Variants in LPAR1 observed in about 807,000 individuals in gnomAD.
LPAR1 encodes the protein LPA receptor 1.
LPAR1 carries 5 observed loss-of-function variants against 23.8 expected under a neutral mutation model. The observed-to-expected ratio is 0.21, with a 90% CI of 0.11 to 0.44. LPAR1 has a LOEUF of 0.44. Among genes scored for constraint, LPAR1 ranks in the 20% least tolerant of loss-of-function variants. The pLI, the probability that LPAR1 is intolerant of heterozygous loss-of-function variation, is 0.99. For synonymous variants in LPAR1, 160 were observed against 164.7 expected (o/e 0.97, Z 0.22); for missense variants, 311 against 482.8 (o/e 0.64, Z 3.33).
intron 2 of LPAR1, among the ~76,000 whole-genome samples, chr9:111,018,800 A>G (rs777677641): frequency 6.6e-6 from 1 of 152,214 alleles, no homozygotes; most frequent in Non-Finnish European, 1.5e-5. Flanking sequence ...TAATCAGTCT[A>G]CGGAAATTAC....
chr9:110,983,210 C>T (rs2096710117), intron 2 of LPAR1, among the ~76,000 whole-genome samples: 1 of 151,890 alleles, frequency 6.6e-6, no homozygotes, highest in Admixed American at 6.6e-5. Flanking sequence ...ATTTGTATAC[C>T]CATGTTTGTA....
chr9:110,953,350 C>T, intron 4 of LPAR1, among the ~76,000 whole-genome samples: 1 of 152,180 alleles, frequency 6.6e-6, no homozygotes, highest in East Asian at 1.9e-4. Flanking sequence ...ACCAACCACA[C>T]CCAAAGCCAC....
At chr9:111,025,955 G>A (rs1255594073) in intron 2 of LPAR1, among the ~76,000 whole-genome samples, 1 of 152,114 alleles carries the variant, frequency 6.6e-6, no homozygotes, top group Non-Finnish European at 1.5e-5. Flanking sequence ...TTGAAGTCAG[G>A]TAGTGTGATG....
At chr9:110,920,003 C>T (rs1337975636) in intron 5 of LPAR1, among the ~76,000 whole-genome samples, 1 of 152,188 alleles carries the variant, frequency 6.6e-6, no homozygotes, top group African/African-American at 2.4e-5. Context: ...AATCAGCAAA[C>T]TTTGTATAGG....
At chr9:110,949,526 A>G (rs1443579171) in intron 4 of LPAR1, among the ~76,000 whole-genome samples, 1 of 151,948 alleles carries the variant, frequency 6.6e-6, no homozygotes, top group East Asian at 1.9e-4. Flanking sequence ...CAGTGCCTCC[A>G]CTCCCATCTT....
chr9:110,959,170 C>CAAAGAA (rs2095863202), intron 4 of LPAR1, among the ~76,000 whole-genome samples: 1 of 81,178 alleles, frequency 1.2e-5, no homozygotes, highest in Non-Finnish European at 2.3e-5. Flanking sequence ...GATGTCTCTA[C>CAAAGAA]AAAAAAAAAA....
At chr9:111,027,999 T>G (rs78200992) in intron 2 of LPAR1, among the ~76,000 whole-genome samples, 3,007 of 151,814 alleles carry the variant, frequency 0.02, 99 homozygotes, top group African/African-American at 0.069. Flanking sequence ...TAATATGTAG[T>G]CATTAGAAAT....
At chr9:110,970,969 C>A (rs369780031) in intron 4 of LPAR1, among the ~76,000 whole-genome samples, 1 of 152,088 alleles carries the variant, frequency 6.6e-6, no homozygotes, top group Non-Finnish European at 1.5e-5. Context: ...AACCCCATCT[C>A]TACTAAAATA....
rs150471898 is a variant in LPAR1, at chr9:110,931,479, A to C, written c.793+9942T>G. On this transcript the variant is annotated intron_variant, in intron 5 of 5. Coordinates refer to ENST00000683809, the MANE Select transcript of LPAR1 (RefSeq NM_001351411.2). ...AATAAACTATTATTAACAAGTTTGC[A>C]AAAAAAATTCTGATGGTAGTTTCTT... 1.4e-3 allele frequency among the ~76,000 whole-genome samples: 215 copies of C among 152,156 alleles called. 2 individuals are homozygous for C. The highest frequency in any genetic ancestry group is 4.9e-3 in the African/African-American group (205 of 41,506).
chr9:110,893,436 G>A (rs1421060863), intron 5 of LPAR1, among the ~76,000 whole-genome samples: 7 of 152,150 alleles, frequency 4.6e-5, no homozygotes, highest in Non-Finnish European at 7.4e-5. Flanking sequence ...GGGAAGATAC[G>A]CACATTACAT....
chr9:110,976,492 G>A (rs2096558381), intron 2 of LPAR1, among the ~76,000 whole-genome samples: 1 of 152,120 alleles, frequency 6.6e-6, no homozygotes, highest in Non-Finnish European at 1.5e-5. Context: ...GCAACAGAGT[G>A]AGACTAAGAA....
chr9:110,932,020 A>G (rs1017050055), intron 5 of LPAR1, among the ~76,000 whole-genome samples: 2 of 152,090 alleles, frequency 1.3e-5, no homozygotes, highest in Admixed American at 6.6e-5. Flanking sequence ...TTTCACTGGA[A>G]CTTAGCCTTA....
intron 5 of LPAR1, among the ~76,000 whole-genome samples, chr9:110,913,770 C>T (rs1226241901): frequency 6.6e-6 from 1 of 152,164 alleles, no homozygotes; most frequent in African/African-American, 2.4e-5. Context: ...GAGATTTCTG[C>T]TTTCCTTCTT....
intron 4 of LPAR1, among the ~76,000 whole-genome samples, chr9:110,959,188 A>G (rs978600703): frequency 1.0e-4 from 15 of 147,814 alleles, no homozygotes; most frequent in African/African-American, 3.7e-4. Context: ...AAAAAAAACC[A>G]CTAAAACCAG....
intron 2 of LPAR1, among the ~76,000 whole-genome samples, chr9:111,023,161 T>C (rs191470439): frequency 6.6e-6 from 1 of 152,112 alleles, no homozygotes; most frequent in Admixed American, 6.5e-5. Context: ...CAAAAAATCC[T>C]TGACATTCCT....
chr9:110,903,180 C>T (rs2089915220), intron 5 of LPAR1, among the ~76,000 whole-genome samples: 1 of 152,122 alleles, frequency 6.6e-6, no homozygotes, highest in Non-Finnish European at 1.5e-5. Flanking sequence ...ACAACTGACA[C>T]TAACCCAGAG....
chr9:111,025,231 T>C (rs1345807532), intron 2 of LPAR1, among the ~76,000 whole-genome samples: 2 of 152,226 alleles, frequency 1.3e-5, no homozygotes, highest in African/African-American at 4.8e-5. Context: ...GACTTTTTAA[T>C]GATTGCCATT....
At chr9:110,918,486 A>G (rs2093372855) in intron 5 of LPAR1, among the ~76,000 whole-genome samples, 1 of 152,224 alleles carries the variant, frequency 6.6e-6, no homozygotes, top group African/African-American at 2.4e-5. Context: ...GCTTATGTAC[A>G]GGCTCATGAT....
intron 2 of LPAR1, among the ~76,000 whole-genome samples, chr9:111,002,143 T>C (rs1158517080): frequency 6.6e-6 from 1 of 152,192 alleles, no homozygotes; most frequent in East Asian, 1.9e-4. Flanking sequence ...ACTTTCTCCT[T>C]GGTTTATAGC....
Sources: allele counts gnomAD v4.1 joint callset (sites outside exome capture counted in the v4.1 genomes callset), GRCh38; gene constraint gnomAD v4.1.1; transcripts MANE v1.5; gene names NCBI Gene and HGNC (gene_info 2026-07-23, HGNC 2026-07-21).